The following HDLBP variants were observed in gnomAD, a reference collection of about 807,000 sequenced individuals.
The protein encoded by HDLBP is high density lipoprotein binding protein.
In HDLBP, 30 loss-of-function variants were observed where a neutral mutation model predicts 137.3. That is an observed-to-expected ratio of 0.22 (90% confidence interval 0.16 to 0.30). HDLBP has a LOEUF of 0.30. Among genes scored for constraint, HDLBP ranks in the 10% least tolerant of loss-of-function variants. The pLI, the probability that HDLBP is intolerant of heterozygous loss-of-function variation, is 1.00. For missense variants in HDLBP, 1,119 were observed against 1,667.3 expected (o/e 0.67, Z 5.73); for synonymous variants, 606 against 596.0 (o/e 1.02, Z -0.24).
At chr2:241,236,268 C>T in intron 21 of HDLBP, 1 of 317,804 alleles carries the variant, frequency 3.1e-6, no homozygotes, top group Non-Finnish European at 5.9e-6. Flanking sequence ...GCCTGATAAC[C>T]CCACTCACGC....
intron 1 of HDLBP, among the ~76,000 whole-genome samples, chr2:241,291,480 G>A (rs537733662): frequency 6.6e-6 from 1 of 152,208 alleles, no homozygotes; most frequent in East Asian, 1.9e-4. Context: ...TATAGTACTA[G>A]GGGGAAATGC....
chr2:241,273,323 A>C, intron 1 of HDLBP: 1 of 808,458 alleles, frequency 1.2e-6, no homozygotes, highest in Non-Finnish European at 1.5e-6. Flanking sequence ...AACTATCCCC[A>C]CCCGATTCCT....
In HDLBP at chr2:241,248,129, A is replaced by G; in HGVS notation, c.1618-13T>C. 6.2e-7 allele frequency: 1 copy of G among 1,602,116 alleles called. No homozygotes were observed. Among genetic ancestry groups the G allele is most frequent in the Non-Finnish European group, 8.6e-7 (1 of 1,169,020 alleles). ...AGTTAATGATGACCTAGAACAAATC[A>G]TGGGGAGACTAAGTTCAAGTATGAG... On this transcript the variant is annotated splice_polypyrimidine_tract_variant and intron_variant, in intron 13 of 27. Coordinates refer to ENST00000310931, the MANE Select transcript of HDLBP (RefSeq NM_005336.6).
intron 1 of HDLBP, among the ~76,000 whole-genome samples, chr2:241,276,360 A>G (rs1408964576): frequency 2.0e-5 from 3 of 152,216 alleles, no homozygotes; most frequent in Non-Finnish European, 2.9e-5. Context: ...TACGATGTAC[A>G]TTATTACTGG....
At chr2:241,273,011 GCCGAGGAGTTGGGAAATTAATCA>G in intron 1 of HDLBP, 1 of 985,304 alleles carries the variant, frequency 1.0e-6, no homozygotes. Flanking sequence ...GGAAGGCGGT[GCCGAGGAGTTGGGAAATTAATCA>G]CCTCCAGAAA....
intron 2 of HDLBP, 112 bp downstream of exon 2, chr2:241,268,365 G>C (rs544110193): frequency 3.2e-6 from 2 of 634,436 alleles, no homozygotes; most frequent in Admixed American, 6.3e-5. Context: ...AAACTTGAAG[G>C]TGTGATATAA....
intron 12 of HDLBP, chr2:241,249,527 C>A: frequency 1.9e-6 from 1 of 533,476 alleles, no homozygotes. Flanking sequence ...TTTGAGAATC[C>A]AGAAATGTCT....
rs186995919 is a variant in HDLBP at position 241,290,960 on chromosome 2, A to C, written c.-102-22419T>G. ...CCATGAAAATGGCACTTATTCATACACTACACGCCTCTGAAAGTGTGTTTT... is the reference window on the plus strand; with the variant it reads ...CCATGAAAATGGCACTTATTCATACCCTACACGCCTCTGAAAGTGTGTTTT... On this transcript the variant is annotated intron_variant, in intron 1 of 27. Coordinates refer to ENST00000310931, the MANE Select transcript of HDLBP (RefSeq NM_005336.6). 2.0e-5 allele frequency among the ~76,000 whole-genome samples: 3 copies of C among 152,338 alleles called. No individual in the cohort carries two copies. In the East Asian group the frequency reaches 5.8e-4, roughly 29 times the overall value.
intron 1 of HDLBP, among the ~76,000 whole-genome samples, chr2:241,300,038 C>T (rs1463275700): frequency 6.6e-6 from 1 of 152,196 alleles, no homozygotes; most frequent in African/African-American, 2.4e-5. Context: ...AGTCTGTCAC[C>T]CAATCATTTT....
chr2:241,284,696 G>C (rs1047776336), intron 1 of HDLBP, among the ~76,000 whole-genome samples: 6 of 152,174 alleles, frequency 3.9e-5, no homozygotes. Context: ...TTGTGGAAGA[G>C]TCAATCAATG....
intron 1 of HDLBP, among the ~76,000 whole-genome samples, chr2:241,279,315 G>C (rs778646314): frequency 2.6e-5 from 4 of 152,096 alleles, no homozygotes; most frequent in Admixed American, 6.5e-5. Flanking sequence ...TTTTTATAAT[G>C]TTGCATTGCA....
chr2:241,256,171 C>G lies in HDLBP; in HGVS notation c.873+13G>C. On this transcript the variant is annotated intron_variant, in intron 7 of 27. Transcript: ENST00000310931. ...TCCTGCCCATGGGGATTTGCCTCCTCTAAATCGTGTACCTTCTCCTCATAA... is the reference window on the plus strand; with the variant it reads ...TCCTGCCCATGGGGATTTGCCTCCTGTAAATCGTGTACCTTCTCCTCATAA... The G allele has an allele frequency of 6.2e-7, 1 of 1,611,920 alleles. No individual in the cohort carries two copies.
At chr2:241,235,303 GAA>G (rs745334939) in intron 22 of HDLBP, 48 bp from the exon 23 acceptor site, 1 of 1,613,168 alleles carries the variant, frequency 6.2e-7, no homozygotes, top group Non-Finnish European at 8.5e-7. Flanking sequence ...CAGAGAACAG[GAA>G]AGAGTCCATT....
Position 241,261,628 on chromosome 2 carries a change from A to T in HDLBP, c.450+1083T>A, listed in dbSNP as rs533415164. Among the ~76,000 whole-genome samples, 16 of 152,332 alleles carry T rather than the reference A, an allele frequency of 1.1e-4. No homozygotes were observed. In the South Asian group the frequency reaches 3.3e-3, roughly 32 times the overall value. On this transcript the variant is annotated intron_variant, in intron 5 of 27. Transcript: ENST00000310931. ...CTCAAATATCCACTGACTAGCAGAC[A>T]CCTGGAAAACTTTCAGAGCCTATTA... is the stretch of plus-strand genomic sequence containing the variant.
intron 20 of HDLBP, 139 bp from the exon 21 acceptor site, chr2:241,236,908 G>A: frequency 5.0e-6 from 4 of 800,316 alleles, no homozygotes; most frequent in Non-Finnish European, 5.9e-6. Flanking sequence ...TCCTTCAGGA[G>A]GTCTTGGTCT....
rs1574991845 is a variant in HDLBP, at chr2:241,272,155, C to G, written c.-102-3614G>C. On this transcript the variant is annotated intron_variant, in intron 1 of 27. Transcript: ENST00000310931. This position sits in a 1 kb window ranked among gnomAD's most constrained non-coding sequence, Gnocchi z 5.6. ...GCCCAAGAAGAGCAGCTTTCCCCAC[C>G]CCCGAACACGTAGACTGACGCGGGC... The G allele has an allele frequency of 1.0e-6, 1 of 984,758 alleles. No individual in the cohort carries two copies. Among genetic ancestry groups the G allele is most frequent in the Admixed American group, 6.1e-5 (1 of 16,292 alleles). 61.0% of individuals were successfully genotyped at this position (984,758 alleles called of 1,614,324 possible).
Position 241,239,374 on chromosome 2 carries a change from CTCTT to C in HDLBP, c.2610+224_2610+227del, listed in dbSNP as rs755969731. Among the ~76,000 whole-genome samples, 37 of 152,136 alleles carry C rather than the reference CTCTT, an allele frequency of 2.4e-4. No individual in the cohort carries two copies. Among genetic ancestry groups the C allele is most frequent in the African/African-American group, 7.2e-4 (30 of 41,508 alleles). Reference sequence around the variant, plus strand: ...CCCCTCTCCTCTTCTCCTTCTCTCTCTCTTTTTTTTTTTAAGTGCTTCTCGCAGG... The same window carrying C: ...CCCCTCTCCTCTTCTCCTTCTCTCTCTTTTTTTTTAAGTGCTTCTCGCAGG... On this transcript the variant is annotated intron_variant, in intron 19 of 27. Transcript: ENST00000310931. The surrounding 1 kb of genome is among the most constrained non-coding windows in gnomAD (Gnocchi z 4.6).
intron 1 of HDLBP, among the ~76,000 whole-genome samples, chr2:241,286,807 A>G (rs1306507164): frequency 6.6e-6 from 1 of 152,194 alleles, no homozygotes; most frequent in Admixed American, 6.5e-5. Context: ...TTAGCCAGGC[A>G]TGGTAGTATG....
At chr2:241,310,888 G>A (rs1446182318) in intron 1 of HDLBP, among the ~76,000 whole-genome samples, 1 of 152,204 alleles carries the variant, frequency 6.6e-6, no homozygotes, top group Admixed American at 6.5e-5. Context: ...TCTGAGGCAG[G>A]AGAATCACTT....
Sources: gnomAD v4.1 joint callset for allele counts (sites outside exome capture counted in the v4.1 genomes callset) on GRCh38, gnomAD v4.1.1 for gene constraint, Gnocchi (gnomAD v3.1) non-coding constraint, MANE v1.5 for transcripts, NCBI Gene and HGNC (gene_info 2026-07-23, HGNC 2026-07-21) for gene names.